Variants in CNTNAP2 observed in about 807,000 individuals in gnomAD.
The protein encoded by CNTNAP2 is contactin associated protein 2, also known as contactin-associated protein-like 2.
CNTNAP2 carries 98 observed loss-of-function variants against 155.2 expected under a neutral mutation model. The observed-to-expected ratio is 0.63, with a 90% CI of 0.54 to 0.75. The LOEUF is 0.75. Among genes scored for constraint, CNTNAP2 ranks in the 30% least tolerant of loss-of-function variants. The pLI is 0.00. For missense variants in CNTNAP2, 1,727 were observed against 1,688.1 expected (o/e 1.02, Z -0.40); for synonymous variants, 651 against 631.2 (o/e 1.03, Z -0.47).
chr7:147,477,874 T>C (rs1798349757), intron 10 of CNTNAP2, among the ~76,000 whole-genome samples: 1 of 152,212 alleles, frequency 6.6e-6, no homozygotes, highest in African/African-American at 2.4e-5. Flanking sequence ...ATAAGTCGAA[T>C]GAACAAACAA....
intron 18 of CNTNAP2, among the ~76,000 whole-genome samples, chr7:148,213,266 G>A (rs1188337620): frequency 6.6e-6 from 1 of 152,152 alleles, no homozygotes; most frequent in African/African-American, 2.4e-5. Flanking sequence ...ATTTTAACAG[G>A]CTCCCAGGAA....
At chr7:148,134,953 A>G (rs1367594008) in intron 16 of CNTNAP2, among the ~76,000 whole-genome samples, 6 of 152,100 alleles carry the variant, frequency 3.9e-5, no homozygotes, top group African/African-American at 1.4e-4. Flanking sequence ...AAATGAGATC[A>G]TAGGGTACAT....
intron 3 of CNTNAP2, among the ~76,000 whole-genome samples, chr7:147,031,356 A>G (rs894965054): frequency 7.2e-5 from 11 of 152,214 alleles, no homozygotes; most frequent in African/African-American, 2.7e-4. Context: ...TCAAATATGC[A>G]TCCATTATAT....
chr7:147,348,090 A>C (rs1795907883), intron 9 of CNTNAP2, among the ~76,000 whole-genome samples: 1 of 152,104 alleles, frequency 6.6e-6, no homozygotes, highest in African/African-American at 2.4e-5. Context: ...GACATAGCGG[A>C]AATGCTTCAG....
chr7:148,408,252 A>G (rs1036409529), intron 22 of CNTNAP2, among the ~76,000 whole-genome samples: 33 of 152,008 alleles, frequency 2.2e-4, no homozygotes, highest in Middle Eastern at 3.4e-3. Context: ...CTTTCCCCAC[A>G]CTGCCCCCGC....
chr7:146,353,243 T>A (rs192972591), intron 1 of CNTNAP2, among the ~76,000 whole-genome samples: 20 of 152,352 alleles, frequency 1.3e-4, no homozygotes, highest in East Asian at 1.2e-3. Context: ...CTGAGTCTCA[T>A]GCTTAGTCCT....
intron 1 of CNTNAP2, among the ~76,000 whole-genome samples, chr7:146,242,454 G>A (rs1229703415): frequency 6.6e-6 from 1 of 151,604 alleles, no homozygotes; most frequent in Non-Finnish European, 1.5e-5. Context: ...CAGGGGAATC[G>A]CTTGAACCCA....
intron 3 of CNTNAP2, among the ~76,000 whole-genome samples, chr7:146,872,403 C>T (rs983813967): frequency 6.6e-6 from 1 of 152,138 alleles, no homozygotes; most frequent in Non-Finnish European, 1.5e-5. Flanking sequence ...ACCAATGCTG[C>T]ACTTTATGCT....
rs1563185623 is a variant in CNTNAP2, at chr7:148,062,007, A to AGAG, written c.2384-56111_2384-56110insGAG. ...GATAGATAGATAGATAGATAGATAGATGATAGAGAGAGAGAGAGAGAGTGT... is the reference window on the plus strand; with the variant it reads ...GATAGATAGATAGATAGATAGATAGAGAGTGATAGAGAGAGAGAGAGAGAGTGT... On this transcript the variant is annotated intron_variant, in intron 15 of 23. Coordinates refer to ENST00000361727, the MANE Select transcript of CNTNAP2 (RefSeq NM_014141.6). Among the ~76,000 whole-genome samples, 226 of 79,056 alleles carry AGAG rather than the reference A, an allele frequency of 2.9e-3. 4 individuals are homozygous for AGAG. Among genetic ancestry groups the AGAG allele is most frequent in the African/African-American group, 9.9e-3 (170 of 17,104 alleles). The allele number at this position is 79,056 out of a possible 152,430, so 51.9% of individuals were successfully genotyped here.
chr7:147,527,074 G>A (rs10249681), intron 11 of CNTNAP2, among the ~76,000 whole-genome samples: 110 of 129,970 alleles, frequency 8.5e-4, no homozygotes, highest in African/African-American at 3.3e-3. Flanking sequence ...CTGGGCTGGA[G>A]TGCAGTGGTG....
At chr7:148,349,137 C>T (rs2116594668) in intron 21 of CNTNAP2, among the ~76,000 whole-genome samples, 1 of 152,102 alleles carries the variant, frequency 6.6e-6, no homozygotes, top group Non-Finnish European at 1.5e-5. Flanking sequence ...CAAGAACAAA[C>T]AAATACATCA....
chr7:147,946,737 C>T (rs763270576), intron 14 of CNTNAP2, among the ~76,000 whole-genome samples: 8 of 152,142 alleles, frequency 5.3e-5, no homozygotes, highest in Middle Eastern at 6.8e-3. Flanking sequence ...ATTCTCAGTC[C>T]GTCTGGGTCT....
intron 13 of CNTNAP2, among the ~76,000 whole-genome samples, chr7:147,745,075 C>T (rs1367212487): frequency 3.9e-5 from 6 of 152,136 alleles, no homozygotes; most frequent in Non-Finnish European, 7.4e-5. Context: ...TATGTTGGTA[C>T]TCTAACTCAA....
intron 13 of CNTNAP2, among the ~76,000 whole-genome samples, chr7:147,865,322 G>A (rs10248742): frequency 0.078 from 11,934 of 152,136 alleles, 542 homozygotes; most frequent in Admixed American, 0.14. Flanking sequence ...TGCTGGATTC[G>A]GTTTGCCAGT....
chr7:148,157,703 G>A (rs919440584), intron 17 of CNTNAP2, among the ~76,000 whole-genome samples: 1 of 152,082 alleles, frequency 6.6e-6, no homozygotes, highest in African/African-American at 2.4e-5. Flanking sequence ...GGCGGTAGCT[G>A]TGATGCTGGC....
At chr7:146,263,251 G>A (rs1478371690) in intron 1 of CNTNAP2, among the ~76,000 whole-genome samples, 5 of 149,366 alleles carry the variant, frequency 3.3e-5, no homozygotes, top group African/African-American at 1.3e-4. Context: ...GGAAAGGAGG[G>A]AGGGAGTGAG....
chr7:146,626,430 G>A (rs1412791284), intron 1 of CNTNAP2, among the ~76,000 whole-genome samples: 1 of 152,012 alleles, frequency 6.6e-6, no homozygotes, highest in Non-Finnish European at 1.5e-5. Flanking sequence ...AGTGAGTGGA[G>A]CCCAGCATGC....
intron 1 of CNTNAP2, among the ~76,000 whole-genome samples, chr7:146,309,335 G>C (rs560677205): frequency 6.6e-6 from 1 of 152,204 alleles, no homozygotes; most frequent in African/African-American, 2.4e-5. Flanking sequence ...TCTCTGTTAG[G>C]GGGTATGAGT....
At chr7:147,678,667 T>G (rs969821352) in intron 13 of CNTNAP2, among the ~76,000 whole-genome samples, 4 of 152,074 alleles carry the variant, frequency 2.6e-5, no homozygotes, top group Admixed American at 1.3e-4. Context: ...CATTATAATT[T>G]GCATTTTAAT....
Sources: gnomAD v4.1 joint callset for allele counts (sites outside exome capture counted in the v4.1 genomes callset) on GRCh38, gnomAD v4.1.1 for gene constraint, MANE v1.5 for transcripts, NCBI Gene and HGNC (gene_info 2026-07-23, HGNC 2026-07-21) for gene names.